The following NRCAM variants were observed in gnomAD, a reference collection of about 807,000 sequenced individuals.
NRCAM encodes neuronal cell adhesion molecule, also known as NgCAM-related cell adhesion molecule.
Under a neutral mutation model 156.5 loss-of-function variants are expected in NRCAM, and 83 were observed. That is an observed-to-expected ratio of 0.53 (90% CI 0.44 to 0.64). The LOEUF is 0.64. Among genes scored for constraint, NRCAM ranks in the 30% least tolerant of loss-of-function variants. The pLI, the probability that NRCAM is intolerant of heterozygous loss-of-function variation, is 0.00. For missense variants in NRCAM, 1,417 were observed against 1,597.3 expected, an observed-to-expected ratio of 0.89 and a Z score of 1.92; for synonymous variants, 538 against 563.9, an observed-to-expected ratio of 0.95 and a Z score of 0.65.
At chr7:108,254,783 T>A (rs911866757) in intron 3 of NRCAM, among the ~76,000 whole-genome samples, 3 of 152,058 alleles carry the variant, frequency 2.0e-5, no homozygotes, top group Non-Finnish European at 4.4e-5. Flanking sequence ...ATTCCTGAGC[T>A]TTAGTAATCC....
At chr7:108,436,783 T>C (rs557463290) in intron 1 of NRCAM, among the ~76,000 whole-genome samples, 1 of 152,262 alleles carries the variant, frequency 6.6e-6, no homozygotes, top group South Asian at 2.1e-4. Context: ...TTATCAAAAA[T>C]AAGGGGAGGC....
intron 11 of NRCAM, among the ~76,000 whole-genome samples, chr7:108,215,375 G>A (rs1431200960): frequency 6.6e-6 from 1 of 151,882 alleles, no homozygotes; most frequent in African/African-American, 2.4e-5. Context: ...ACCATGCCTA[G>A]CTAATTTTTT....
At chr7:108,188,379 CTG>C (rs71137612) in intron 20 of NRCAM, among the ~76,000 whole-genome samples, 92,853 of 150,168 alleles carry the variant, frequency 0.62, 30,277 homozygotes, top group East Asian at 0.83. Flanking sequence ...TCTGAGTCCT[CTG>C]TGTGTGTGTG....
At position 108,269,965 on chromosome 7, in the gene NRCAM, T is replaced by A. The variant is rs934228439; in HGVS notation, c.-106-29795A>T. On this transcript the variant is annotated intron_variant, in intron 3 of 32. Coordinates refer to ENST00000379028, the MANE Select transcript of NRCAM (RefSeq NM_001037132.4). ...TAACCATACTGTGCTTACAGGTTTA[T>A]CTAATTTTACAGTGCAAAGAAACAT... Among the ~76,000 whole-genome samples, 6 of 152,348 alleles carry A rather than the reference T, an allele frequency of 3.9e-5. No individual in the cohort carries two copies. The South Asian group carries it at 1.2e-3, about 32-fold the overall frequency.
chr7:108,152,074 G>A (rs1277321801), intron 32 of NRCAM, among the ~76,000 whole-genome samples: 1 of 151,946 alleles, frequency 6.6e-6, no homozygotes, highest in Non-Finnish European at 1.5e-5. Flanking sequence ...TCACCTCACT[G>A]GCTTTATTTC....
intron 1 of NRCAM, among the ~76,000 whole-genome samples, chr7:108,449,374 T>G (rs1454649811): frequency 6.6e-6 from 1 of 152,160 alleles, no homozygotes; most frequent in Non-Finnish European, 1.5e-5. Flanking sequence ...CCCCCCTCCC[T>G]TCACTGAAAA....
intron 20 of NRCAM, among the ~76,000 whole-genome samples, chr7:108,188,379 C>CTGTG (rs71137612): frequency 0.052 from 7,780 of 150,344 alleles, 624 homozygotes; most frequent in African/African-American, 0.17. Flanking sequence ...TCTGAGTCCT[C>CTGTG]TGTGTGTGTG....
rs114491004 is a variant in NRCAM, at chr7:108,312,799, A to G, written c.-173-68T>C. ...TGTCATCAATCACAGCAGAGTGTCA[A>G]TATATTAACTCCAACTGGCTCTCTT... On this transcript the variant is annotated intron_variant, in intron 2 of 32. Transcript: ENST00000379028. 157 of 152,286 alleles carry G rather than the reference A, an allele frequency of 1.0e-3. 1 individual carries two copies. Among genetic ancestry groups the G allele is most frequent in the African/African-American group, 3.6e-3 (150 of 41,564 alleles). 9.4% of individuals were successfully genotyped at this position (152,286 alleles called of 1,614,324 possible).
intron 1 of NRCAM, among the ~76,000 whole-genome samples, chr7:108,410,733 G>A (rs1794349691): frequency 6.6e-6 from 1 of 152,158 alleles, no homozygotes; most frequent in Admixed American, 6.5e-5. Context: ...GTGTGGAAGG[G>A]CAGCCTGTAT....
intron 3 of NRCAM, among the ~76,000 whole-genome samples, chr7:108,278,981 G>T (rs995597227): frequency 5.3e-5 from 8 of 152,194 alleles, no homozygotes; most frequent in African/African-American, 1.9e-4. Flanking sequence ...AAAAACTGAG[G>T]CTTGAAGAGT....
intron 1 of NRCAM, among the ~76,000 whole-genome samples, chr7:108,444,494 T>C (rs2154487099): frequency 6.6e-6 from 1 of 152,328 alleles, no homozygotes; most frequent in Non-Finnish European, 1.5e-5. Flanking sequence ...AAGTTTATTA[T>C]TTCACAGTTC....
intron 7 of NRCAM, among the ~76,000 whole-genome samples, chr7:108,231,425 AAC>A (rs2094316405): frequency 6.6e-6 from 1 of 152,200 alleles, no homozygotes; most frequent in African/African-American, 2.4e-5. Context: ...CAGGAAGACA[AAC>A]AGTTTTGACA....
Position 108,252,369 on chromosome 7 carries a change from C to T in NRCAM, c.-106-12199G>A, listed in dbSNP as rs548489497. 1.5e-4 allele frequency among the ~76,000 whole-genome samples: 23 copies of T among 152,318 alleles called. 1 individual carries two copies. The highest frequency in any genetic ancestry group is 3.4e-3 in the Middle Eastern group (1 of 294). On this transcript the variant is annotated intron_variant, in intron 3 of 32. Transcript: ENST00000379028. ...AGGCTTTCCAAATTTAGGTTTCTGT[C>T]TCCTTCGAGAATTTTAAATAAGACT...
chr7:108,393,971 C>T (rs184568543), intron 2 of NRCAM, among the ~76,000 whole-genome samples: 1 of 152,258 alleles, frequency 6.6e-6, no homozygotes, highest in East Asian at 1.9e-4. Context: ...AGCACAACCC[C>T]AAGGGGAGTG....
chr7:108,433,149 T>C (rs1247596271), intron 1 of NRCAM, among the ~76,000 whole-genome samples: 1 of 152,246 alleles, frequency 6.6e-6, no homozygotes, highest in East Asian at 1.9e-4. Flanking sequence ...TGTGCTTCTG[T>C]GTGTAGAATC....
At chr7:108,175,391 A>G in intron 27 of NRCAM, 34 bp from the exon 28 acceptor site, 1 of 1,540,046 alleles carries the variant, frequency 6.5e-7, no homozygotes, top group Non-Finnish European at 8.8e-7. Flanking sequence ...AGGACACTAT[A>G]TAGTTAGATG....
chr7:108,165,406 G>C (rs1032059883), intron 30 of NRCAM, among the ~76,000 whole-genome samples: 1 of 152,178 alleles, frequency 6.6e-6, no homozygotes, highest in Non-Finnish European at 1.5e-5. Flanking sequence ...GACTGAATGA[G>C]AAAACCACTT....
At chr7:108,405,505 T>C (rs1259821917) in intron 1 of NRCAM, among the ~76,000 whole-genome samples, 1 of 152,170 alleles carries the variant, frequency 6.6e-6, no homozygotes, top group Admixed American at 6.5e-5. Flanking sequence ...CGTGGACATA[T>C]TAAGGCACAG....
chr7:108,206,640 T>C (rs1230325747), intron 13 of NRCAM, among the ~76,000 whole-genome samples: 1 of 152,152 alleles, frequency 6.6e-6, no homozygotes, highest in African/African-American at 2.4e-5. Context: ...GGGTTCTCTG[T>C]TCATGGCCAT....
Sources: gnomAD v4.1 joint callset for allele counts (sites outside exome capture counted in the v4.1 genomes callset) on GRCh38, gnomAD v4.1.1 for gene constraint, MANE v1.5 for transcripts, NCBI Gene and HGNC (gene_info 2026-07-23, HGNC 2026-07-21) for gene names.